CTNNA3: variants seen among roughly 807,000 people sequenced by gnomAD.
CTNNA3 encodes catenin alpha 3, also known as catenin alpha-3.
CTNNA3 carries 76 observed loss-of-function variants against 95.7 expected under a neutral mutation model. The observed-to-expected ratio is 0.79, with a 90% CI of 0.66 to 0.96. The LOEUF (loss-of-function observed/expected upper bound fraction) is 0.96, where lower values mean the gene tolerates loss of function less well. Ranked by LOEUF, CTNNA3 falls within the 40% of genes least tolerant of loss-of-function variation. CTNNA3 has a pLI of 0.00. For missense variants in CTNNA3, 1,191 were observed against 1,089.8 expected (o/e 1.09, Z -1.31); for synonymous variants, 431 against 374.4 (o/e 1.15, Z -1.74).
chr10:67,556,499 A>C (rs1188339568), intron 3 of CTNNA3, among the ~76,000 whole-genome samples: 1 of 152,178 alleles, frequency 6.6e-6, no homozygotes, highest in Non-Finnish European at 1.5e-5. Context: ...GTATATGTCC[A>C]GGAATTTATC....
chr10:67,179,068 C>T (rs1017018773), intron 7 of CTNNA3, among the ~76,000 whole-genome samples: 2 of 151,910 alleles, frequency 1.3e-5, no homozygotes, highest in African/African-American at 4.8e-5. Flanking sequence ...CAAAATGCAC[C>T]AAATAATTTT....
intron 9 of CTNNA3, among the ~76,000 whole-genome samples, chr10:66,670,902 C>T (rs1209238349): frequency 6.6e-6 from 1 of 152,126 alleles, no homozygotes; most frequent in African/African-American, 2.4e-5. Context: ...CTAAATGAAG[C>T]ATTCTTAAAT....
chr10:66,571,308 T>A (rs1842860380), intron 10 of CTNNA3, among the ~76,000 whole-genome samples: 1 of 152,230 alleles, frequency 6.6e-6, no homozygotes, highest in African/African-American at 2.4e-5. Flanking sequence ...GAATTGGTTA[T>A]CGCATTCCCT....
rs187890358 is a variant in CTNNA3 at position 66,831,611 on chromosome 10, C to T, written c.1048-56087G>A. Among the ~76,000 whole-genome samples the T allele has an allele frequency of 5.1e-3, 776 of 152,088 alleles. 7 individuals are homozygous for T. Among genetic ancestry groups the T allele is most frequent in the African/African-American group, 0.017 (717 of 41,472 alleles). ...TAGACTATAAGCACCATGAAAGCAG[C>T]GGATATTTTACTAGACAGTAAATCC... On this transcript the variant is annotated intron_variant, in intron 7 of 17. Coordinates refer to ENST00000433211, the MANE Select transcript of CTNNA3 (RefSeq NM_013266.4).
chr10:66,226,518 C>A (rs2089294923), intron 13 of CTNNA3, among the ~76,000 whole-genome samples: 1 of 149,892 alleles, frequency 6.7e-6, no homozygotes, highest in Non-Finnish European at 1.5e-5. Context: ...TTTCTCAGAA[C>A]TGATTTAGTT....
At chr10:66,864,020 C>T (rs780231926) in intron 7 of CTNNA3, among the ~76,000 whole-genome samples, 2 of 152,000 alleles carry the variant, frequency 1.3e-5, no homozygotes, top group African/African-American at 2.4e-5. Context: ...TCATAAGCTG[C>T]TTTACTTATT....
intron 10 of CTNNA3, among the ~76,000 whole-genome samples, chr10:66,588,002 C>T (rs915984429): frequency 6.6e-6 from 1 of 152,210 alleles, no homozygotes; most frequent in African/African-American, 2.4e-5. Context: ...TTCTCTCAAC[C>T]TGTGACTGCA....
intron 10 of CTNNA3, among the ~76,000 whole-genome samples, chr10:66,576,949 G>C (rs1911359): frequency 0.33 from 43,289 of 130,016 alleles, 6,803 homozygotes; most frequent in Middle Eastern, 0.45. Flanking sequence ...ATTCCTACCA[G>C]CAGTGTATAA....
chr10:67,377,582 C>T (rs1042606136), intron 5 of CTNNA3, among the ~76,000 whole-genome samples: 3 of 152,016 alleles, frequency 2.0e-5, no homozygotes, highest in Non-Finnish European at 4.4e-5. Context: ...TTGCTGAATT[C>T]TGAGATGTTT....
intron 1 of CTNNA3, among the ~76,000 whole-genome samples, chr10:67,727,055 T>G (rs539898752): frequency 2.6e-4 from 30 of 116,310 alleles, no homozygotes; most frequent in African/African-American, 1.0e-3. Flanking sequence ...ATATATGATA[T>G]AATTATATAT....
chr10:66,730,599 C>T (rs1238747733), intron 9 of CTNNA3, among the ~76,000 whole-genome samples: 2 of 152,132 alleles, frequency 1.3e-5, no homozygotes, highest in African/African-American at 4.8e-5. Flanking sequence ...ACATGTACCC[C>T]TGAACTTAAA....
intron 9 of CTNNA3, among the ~76,000 whole-genome samples, chr10:66,741,239 T>A (rs575229777): frequency 6.6e-6 from 1 of 152,298 alleles, no homozygotes; most frequent in African/African-American, 2.4e-5. Flanking sequence ...TTCTGGGTTA[T>A]GATAGTGGAT....
intron 7 of CTNNA3, among the ~76,000 whole-genome samples, chr10:66,934,236 A>G (rs1375590460): frequency 6.6e-6 from 1 of 152,098 alleles, no homozygotes; most frequent in Non-Finnish European, 1.5e-5. Context: ...TGTAATGATA[A>G]TTAATAACTT....
intron 7 of CTNNA3, among the ~76,000 whole-genome samples, chr10:66,823,455 C>T (rs1351038065): frequency 1.3e-5 from 2 of 152,040 alleles, no homozygotes; most frequent in Non-Finnish European, 2.9e-5. Context: ...TCTTCTTCTA[C>T]AAGGAGGATG....
chr10:66,638,261 T>C (rs986623647), intron 9 of CTNNA3, among the ~76,000 whole-genome samples: 9 of 152,180 alleles, frequency 5.9e-5, no homozygotes, highest in Non-Finnish European at 1.0e-4. Flanking sequence ...AAGTGACTTG[T>C]TTTTAAATTT....
intron 10 of CTNNA3, among the ~76,000 whole-genome samples, chr10:66,599,502 C>T (rs976071535): frequency 1.3e-5 from 2 of 152,052 alleles, no homozygotes; most frequent in East Asian, 3.9e-4. Context: ...TTTTCTATCC[C>T]AGAACTCCTA....
chr10:67,724,083 T>TCAGC (rs1841195104), intron 1 of CTNNA3, among the ~76,000 whole-genome samples: 1 of 152,180 alleles, frequency 6.6e-6, no homozygotes, highest in Non-Finnish European at 1.5e-5. Context: ...GTGACCCTGA[T>TCAGC]AATGCAAGCT....
intron 5 of CTNNA3, among the ~76,000 whole-genome samples, chr10:67,231,176 G>A (rs1425643403): frequency 6.6e-6 from 1 of 152,250 alleles, no homozygotes; most frequent in African/African-American, 2.4e-5. Flanking sequence ...GCCCACCACA[G>A]CTCAAGGAGG....
At chr10:65,983,471 G>C (rs1270814385) in intron 16 of CTNNA3, among the ~76,000 whole-genome samples, 1 of 151,370 alleles carries the variant, frequency 6.6e-6, no homozygotes, top group Non-Finnish European at 1.5e-5. Context: ...TTACAATGTA[G>C]AGTACAGAAA....
Sources: allele counts gnomAD v4.1 joint callset (sites outside exome capture counted in the v4.1 genomes callset), GRCh38; gene constraint gnomAD v4.1.1; transcripts MANE v1.5; gene names NCBI Gene and HGNC (gene_info 2026-07-23, HGNC 2026-07-21).